ATAD5: variants seen among roughly 807,000 people sequenced by gnomAD.
The protein encoded by ATAD5 is ATPase family AAA domain containing 5.
Under a neutral mutation model 176.9 loss-of-function variants are expected in ATAD5, and 58 were observed. The observed-to-expected ratio is 0.33, with a 90% CI of 0.27 to 0.41. The LOEUF (loss-of-function observed/expected upper bound fraction) is 0.41, where lower values mean the gene tolerates loss of function less well. Among genes scored for constraint, ATAD5 ranks in the 10% least tolerant of loss-of-function variants. The probability of loss-of-function intolerance (pLI) is 1.00; values close to 1 mark genes in which losing one functional copy is unlikely to be tolerated. For synonymous variants in ATAD5, 640 were observed against 712.6 expected, an observed-to-expected ratio of 0.90 and a Z score of 1.62; for missense variants, 1,789 against 2,094.1, an observed-to-expected ratio of 0.85 and a Z score of 2.84.
chr17:30,845,903 T>C (rs1183108714), intron 6 of ATAD5, among the ~76,000 whole-genome samples: 1 of 152,026 alleles, frequency 6.6e-6, no homozygotes, highest in Non-Finnish European at 1.5e-5. Flanking sequence ...GAGGAAGGTA[T>C]AGGATGACAT....
chr17:30,877,855 T>C (rs1908762930), intron 16 of ATAD5, 148 bp from the exon 17 acceptor site: 4 of 637,462 alleles, frequency 6.3e-6, no homozygotes, highest in East Asian at 6.0e-5. Flanking sequence ...AAATTCATTA[T>C]AGTGTATGAC....
At chr17:30,873,371 G>A (rs576785589) in intron 14 of ATAD5, among the ~76,000 whole-genome samples, 2 of 149,186 alleles carry the variant, frequency 1.3e-5, no homozygotes, top group South Asian at 4.2e-4. Context: ...AGGCTGGAGT[G>A]CAGTGGTGTG....
At chr17:30,847,654 T>A (rs1906598127) in intron 6 of ATAD5, among the ~76,000 whole-genome samples, 1 of 151,648 alleles carries the variant, frequency 6.6e-6, no homozygotes, top group Non-Finnish European at 1.5e-5. Flanking sequence ...TTATTTATTC[T>A]TTATTAATGG....
intron 20 of ATAD5, 29 bp downstream of exon 20, chr17:30,892,817 G>T: frequency 6.8e-7 from 1 of 1,468,502 alleles, no homozygotes; most frequent in South Asian, 1.3e-5. Flanking sequence ...TTGCAATGTT[G>T]AATTTATATT....
chr17:30,858,163 C>T lies in ATAD5; in HGVS notation c.2796C>T (p.Phe932=). ...KLKSGNSAAV[F]MRTRKEFTEE... ...GTGCATTTTATTCTTTATTGCAGTT[C>T]ATGAGGACAAGGAAGGAATTTACTG... The change falls in exon 9 of 23, where the codon TTC becomes TTT. Residue 932 remains phenylalanine, a splice_region_variant and synonymous_variant. Coordinates refer to ENST00000321990, the MANE Select transcript of ATAD5 (RefSeq NM_024857.5). The T allele has an allele frequency of 6.5e-7, 1 of 1,540,606 alleles. No homozygotes were observed. The highest frequency in any genetic ancestry group is 1.3e-5 in the South Asian group (1 of 78,012).
intron 18 of ATAD5, among the ~76,000 whole-genome samples, chr17:30,880,949 AC>A (rs1908977892): frequency 6.6e-6 from 1 of 151,834 alleles, no homozygotes; most frequent in African/African-American, 2.4e-5. Flanking sequence ...GTTCTCATGG[AC>A]CCTTTCTAGT....
chr17:30,865,354 A>G (rs1159685202), intron 10 of ATAD5, among the ~76,000 whole-genome samples: 1 of 151,904 alleles, frequency 6.6e-6, no homozygotes, highest in Non-Finnish European at 1.5e-5. Flanking sequence ...TTGTACTTTT[A>G]GTAGAGACGG....
rs1909369657 is a variant in ATAD5, at chr17:30,887,171, ATT to A, written c.4078-19_4078-18del. On this transcript the variant is annotated intron_variant, in intron 18 of 22. Coordinates refer to ENST00000321990, the MANE Select transcript of ATAD5 (RefSeq NM_024857.5). ...CTATTTGAACTCAGCAGTTAACCAC[ATT>A]TCTCTCTCTGTTTTGAAGCTAAATG... The A allele has an allele frequency of 6.4e-7, 1 of 1,554,286 alleles. No homozygotes were observed. The highest frequency in any genetic ancestry group is 8.7e-7 in the Non-Finnish European group (1 of 1,153,808).
chr17:30,857,209 G>C, intron 8 of ATAD5, 97 bp downstream of exon 8: 1 of 1,337,072 alleles, frequency 7.5e-7, no homozygotes, highest in Non-Finnish European at 1.0e-6. Flanking sequence ...CTCGAGTGTT[G>C]TCCTAGAGTT....
At chr17:30,856,126 A>T (rs1388679845) in intron 7 of ATAD5, among the ~76,000 whole-genome samples, 1 of 152,206 alleles carries the variant, frequency 6.6e-6, no homozygotes, top group Non-Finnish European at 1.5e-5. Context: ...AACTTAGCAT[A>T]TCTATTTGTA....
At position 30,834,541 on chromosome 17, in the gene ATAD5, A is replaced by G. The variant is rs767734234; in HGVS notation, c.460A>G (p.Ser154Gly). ...TAGTTTAAATAATGATTTTGTGGAA[A>G]GTAGTACTTCTGTTTTACGTTACAA... ...DYSLNNDFVESSTSVLRYKKQ... is the reference protein window; with the variant it reads ...DYSLNNDFVEGSTSVLRYKKQ... Residue 154 changes from serine to glycine, a missense_variant, in exon 2 of 23, where the codon AGT (serine) becomes GGT (glycine). This residue lies in a region of ATAD5 where 696 missense variants were observed against 712.5 expected (regional missense o/e 0.98). Coordinates refer to ENST00000321990, the MANE Select transcript of ATAD5 (RefSeq NM_024857.5). 6.3e-7 allele frequency: 1 copy of G among 1,594,528 alleles called. No homozygotes were observed. The highest frequency in any genetic ancestry group is 1.2e-5 in the South Asian group (1 of 86,198).
intron 6 of ATAD5, among the ~76,000 whole-genome samples, chr17:30,848,299 A>G (rs781108272): frequency 5.3e-5 from 8 of 151,626 alleles, no homozygotes; most frequent in South Asian, 4.2e-4. Flanking sequence ...AGACTGGAGT[A>G]TAGTGGCGCA....
intron 18 of ATAD5, among the ~76,000 whole-genome samples, chr17:30,886,388 A>G (rs1366594537): frequency 4.2e-5 from 5 of 119,158 alleles, no homozygotes; most frequent in African/African-American, 1.4e-4. Flanking sequence ...TTATTTATTT[A>G]TTTATTTATT....
At position 30,842,577 on chromosome 17, in the gene ATAD5, A is replaced by T. The variant is rs368692593; in HGVS notation, c.2242-1336A>T. On this transcript the variant is annotated intron_variant, in intron 4 of 22. Transcript: ENST00000321990. ...CATATGGTAAGTGCTCGGTAAATCT[A>T]TGCTGATGACAGGAAAATCACAGAC... Among the ~76,000 whole-genome samples the T allele has an allele frequency of 2.0e-4, 30 of 152,290 alleles. No individual in the cohort carries two copies. The South Asian group carries it at 5.8e-3, about 29-fold the overall frequency.
At chr17:30,862,742 C>T (rs998781659) in intron 10 of ATAD5, 1 of 152,200 alleles carries the variant, frequency 6.6e-6, no homozygotes, top group African/African-American at 2.4e-5. Context: ...TGCCCAGCCC[C>T]ATTCAGTATA....
chr17:30,862,823 C>A (rs1476819992), intron 10 of ATAD5: 1 of 152,052 alleles, frequency 6.6e-6, no homozygotes, highest in Non-Finnish European at 1.5e-5. Flanking sequence ...TATCCCTAAT[C>A]CAAAAATCTG....
intron 6 of ATAD5, among the ~76,000 whole-genome samples, chr17:30,853,428 A>T (rs1934552430): frequency 6.6e-6 from 1 of 152,006 alleles, no homozygotes; most frequent in South Asian, 2.1e-4. Context: ...ATTTAACTAC[A>T]ACTTTACCCA....
intron 10 of ATAD5, 94 bp from the exon 11 acceptor site, chr17:30,865,610 A>G (rs1907934423): frequency 4.5e-6 from 3 of 668,900 alleles, no homozygotes; most frequent in Non-Finnish European, 7.1e-6. Context: ...GCAAATACCT[A>G]CTGTGACATT....
At chr17:30,836,746 T>C (rs1471635482) in intron 2 of ATAD5, among the ~76,000 whole-genome samples, 1 of 151,862 alleles carries the variant, frequency 6.6e-6, no homozygotes, top group African/African-American at 2.4e-5. Context: ...CTTTGTATTT[T>C]TAGTAGAGAC....
Sources: gnomAD v4.1 joint callset for allele counts (sites outside exome capture counted in the v4.1 genomes callset) on GRCh38, gnomAD v4.1.1 for gene constraint, gnomAD v4.1.1 regional missense constraint, MANE v1.5 for transcripts, NCBI Gene and HGNC (gene_info 2026-07-23, HGNC 2026-07-21) for gene names.